RFTN1: variants seen among roughly 807,000 people sequenced by gnomAD.
The protein encoded by RFTN1 is raftlin.
Under a neutral mutation model 46.5 loss-of-function variants are expected in RFTN1, and 26 were observed. The ratio of observed to expected loss-of-function variants is 0.56; its 90% confidence interval spans 0.41 to 0.78. RFTN1 has a LOEUF of 0.78. Ranked by LOEUF, RFTN1 falls within the 30% of genes least tolerant of loss-of-function variation. RFTN1 has a pLI of 0.00. For missense variants in RFTN1, 693 were observed against 718.7 expected, an observed-to-expected ratio of 0.96 and a Z score of 0.41; for synonymous variants, 261 against 284.2, an observed-to-expected ratio of 0.92 and a Z score of 0.82.
chr3:16,339,999 G>A (rs2071205724), intron 7 of RFTN1: 1 of 152,166 alleles, frequency 6.6e-6, no homozygotes. Context: ...AGGATGCTGT[G>A]TTACCATTTT....
chr3:16,434,658 A>G (rs1320913486), intron 2 of RFTN1: 3 of 152,206 alleles, frequency 2.0e-5, no homozygotes, highest in African/African-American at 7.2e-5. Context: ...AAAAAAACAC[A>G]CAGAAATAAA....
rs1048591934 is a variant in RFTN1, at chr3:16,426,003, G to A, written c.332+7848C>T. On this transcript the variant is annotated intron_variant, in intron 3 of 9. Transcript: ENST00000334133. This position sits in a 1 kb window ranked among gnomAD's most constrained non-coding sequence, Gnocchi z 5.9. ...CACCTAAATCGGAATCCAAAATAACGACCCACATGCTAAACAAACACCTTC... is the reference window on the plus strand; with the variant it reads ...CACCTAAATCGGAATCCAAAATAACAACCCACATGCTAAACAAACACCTTC... Among the ~76,000 whole-genome samples the A allele has an allele frequency of 2.6e-5, 4 of 152,092 alleles. No individual in the cohort carries two copies. The highest frequency in any genetic ancestry group is 7.2e-5 in the African/African-American group (3 of 41,418).
At position 16,481,142 on chromosome 3, in the gene RFTN1, G is replaced by A. The variant is rs913568858; in HGVS notation, c.145+12583C>T. ...CATTCAGAAAGGAATGCAAAGGAATGTAAAGAATGCCTTCCTTCCTTTTAA... is the reference window on the plus strand; with the variant it reads ...CATTCAGAAAGGAATGCAAAGGAATATAAAGAATGCCTTCCTTCCTTTTAA... On this transcript the variant is annotated intron_variant, in intron 2 of 9. Coordinates refer to ENST00000334133, the MANE Select transcript of RFTN1 (RefSeq NM_015150.2). The surrounding 1 kb of genome is among the most constrained non-coding windows in gnomAD (Gnocchi z 5.1). 6.6e-6 allele frequency among the ~76,000 whole-genome samples: 1 copy of A among 152,138 alleles called. No homozygotes were observed. The highest frequency in any genetic ancestry group is 2.1e-4 in the South Asian group (1 of 4,820).
chr3:16,324,756 G>A (rs2069526754), intron 8 of RFTN1, among the ~76,000 whole-genome samples: 1 of 148,240 alleles, frequency 6.7e-6, no homozygotes, highest in African/African-American at 2.5e-5. Context: ...CCATTTCTTA[G>A]CTGTTGTGAA....
rs374220748 is a variant in RFTN1, at chr3:16,418,709, G to T, written c.333-9226C>A. On this transcript the variant is annotated intron_variant, in intron 3 of 9. Coordinates refer to ENST00000334133, the MANE Select transcript of RFTN1 (RefSeq NM_015150.2). The surrounding 1 kb of genome is among the most constrained non-coding windows in gnomAD (Gnocchi z 5.0). ...TTTTTTTAAAGAAGTATTAGGGAGA[G>T]AAATGAGCTAGAGATCTGAAAGAGA... Among the ~76,000 whole-genome samples the T allele has an allele frequency of 9.8e-4, 149 of 151,348 alleles. 1 individual carries two copies. In the South Asian group the frequency reaches 0.03, roughly 31 times the overall value.
At chr3:16,423,137 C>T (rs931181301) in intron 3 of RFTN1, among the ~76,000 whole-genome samples, 3 of 151,494 alleles carry the variant, frequency 2.0e-5, no homozygotes, top group Admixed American at 6.6e-5. Flanking sequence ...CACTGCACTC[C>T]AGCCTGGGTG....
At chr3:16,423,945 C>G (rs1188515876) in intron 3 of RFTN1, among the ~76,000 whole-genome samples, 3 of 152,124 alleles carry the variant, frequency 2.0e-5, no homozygotes. Flanking sequence ...CACTGATAAT[C>G]GTAGAACCAT....
chr3:16,389,007 G>A (rs184786733), intron 4 of RFTN1, among the ~76,000 whole-genome samples: 1 of 152,224 alleles, frequency 6.6e-6, no homozygotes, highest in East Asian at 1.9e-4. Context: ...AAATGAGTGA[G>A]TCAAAAGAAC....
At position 16,387,870 on chromosome 3, in the gene RFTN1, T is replaced by G. The variant is rs690201; in HGVS notation, c.442-9768A>C. Reference sequence around the variant, plus strand: ...CCACCCCATCCTCTCTGGTAGCTCATGCATTCCCCTCCTCCTGGAGATGCT... The same window carrying G: ...CCACCCCATCCTCTCTGGTAGCTCAGGCATTCCCCTCCTCCTGGAGATGCT... On this transcript the variant is annotated intron_variant, in intron 4 of 9. Coordinates refer to ENST00000334133, the MANE Select transcript of RFTN1 (RefSeq NM_015150.2). The surrounding 1 kb of genome is among the most constrained non-coding windows in gnomAD (Gnocchi z 5.2). 0.57 allele frequency among the ~76,000 whole-genome samples: 86,365 copies of G among 151,644 alleles called. 26,002 individuals carry two copies. The highest frequency in any genetic ancestry group is 0.89 in the South Asian group (4,273 of 4,810).
At chr3:16,496,899 C>T (rs2076634786) in intron 1 of RFTN1, among the ~76,000 whole-genome samples, 1 of 152,096 alleles carries the variant, frequency 6.6e-6, no homozygotes, top group African/African-American at 2.4e-5. Context: ...GCAACGAAAA[C>T]ATGGAACCTA....
chr3:16,430,366 T>C (rs1053480886), intron 3 of RFTN1, among the ~76,000 whole-genome samples: 3 of 152,166 alleles, frequency 2.0e-5, no homozygotes, highest in African/African-American at 7.2e-5. Flanking sequence ...TCTGCCTTGG[T>C]CTCCCAAAGT....
rs760950706 is a variant in RFTN1, at chr3:16,358,067, CG to C, written c.1031-21del. Reference sequence around the variant, plus strand: ...AGGAATCTGTGGAAAAAGAAAAAGGCGGGGGTGGGGGGGGTCTGTAAACCGT... The same window carrying C: ...AGGAATCTGTGGAAAAAGAAAAAGGCGGGGTGGGGGGGGTCTGTAAACCGT... On this transcript the variant is annotated intron_variant, in intron 6 of 9. Transcript: ENST00000334133. 1.6e-5 allele frequency: 5 copies of C among 315,364 alleles called. No homozygotes were observed. Among genetic ancestry groups the C allele is most frequent in the South Asian group, 9.9e-5 (3 of 30,208 alleles). 19.5% of individuals were successfully genotyped at this position (315,364 alleles called of 1,614,324 possible).
At chr3:16,399,070 C>G (rs1559323100) in intron 4 of RFTN1, among the ~76,000 whole-genome samples, 1 of 152,196 alleles carries the variant, frequency 6.6e-6, no homozygotes, top group East Asian at 1.9e-4. Flanking sequence ...TCTGATTTAA[C>G]TATAAGTCAT....
chr3:16,391,243 T>C (rs975054637), intron 4 of RFTN1, among the ~76,000 whole-genome samples: 1 of 152,262 alleles, frequency 6.6e-6, no homozygotes, highest in Non-Finnish European at 1.5e-5. Context: ...ATTAATTAGA[T>C]GGGAAACCTC....
chr3:16,465,695 C>T lies in RFTN1; in HGVS notation c.145+28030G>A, dbSNP rs992050874. 5.3e-5 allele frequency among the ~76,000 whole-genome samples: 8 copies of T among 152,268 alleles called. No individual in the cohort carries two copies. The highest frequency in any genetic ancestry group is 8.8e-5 in the Non-Finnish European group (6 of 68,008). On this transcript the variant is annotated intron_variant, in intron 2 of 9. Coordinates refer to ENST00000334133, the MANE Select transcript of RFTN1 (RefSeq NM_015150.2). This position sits in a 1 kb window ranked among gnomAD's most constrained non-coding sequence, Gnocchi z 5.1. ...AAGATCACCAAAATTATCACACCCA[C>T]CAAAAAGACCTGCTGGGGACAGCTA... is the stretch of plus-strand genomic sequence containing the variant.
chr3:16,393,664 A>T lies in RFTN1; in HGVS notation c.442-15562T>A, dbSNP rs893892327. On this transcript the variant is annotated intron_variant, in intron 4 of 9. Transcript: ENST00000334133. ...TAAGCTGATGGACTTTTTTTTTTTAATTTTTTTTTTTTCAGATGGAGTCTT... is the reference window on the plus strand; with the variant it reads ...TAAGCTGATGGACTTTTTTTTTTTATTTTTTTTTTTTTCAGATGGAGTCTT... Among the ~76,000 whole-genome samples the T allele has an allele frequency of 2.4e-3, 354 of 145,772 alleles. 6 individuals carry two copies. The highest frequency in any genetic ancestry group is 1.1e-3 in the Non-Finnish European group (72 of 65,860).
In RFTN1 at chr3:16,345,822, G is replaced by A. The variant is rs1331576374; in HGVS notation, c.1146+12110C>T. On this transcript the variant is annotated intron_variant, in intron 7 of 9. Coordinates refer to ENST00000334133, the MANE Select transcript of RFTN1 (RefSeq NM_015150.2). This position sits in a 1 kb window ranked among gnomAD's most constrained non-coding sequence, Gnocchi z 5.2. The stretch of plus-strand genomic sequence containing the variant: ...TGTGTGTGTGTGTGTGTGTGTGCGC[G>A]CGCGCGTGCGCGCACGCGCACATGT... 1.5e-4 allele frequency among the ~76,000 whole-genome samples: 10 copies of A among 67,892 alleles called. No individual in the cohort carries two copies. Among genetic ancestry groups the A allele is most frequent in the Admixed American group, 8.2e-4 (7 of 8,538 alleles). The allele number at this position is 67,892 out of a possible 152,430, so 44.5% of individuals were successfully genotyped here. A position where few individuals can be genotyped will look rare whatever the true frequency, so the allele number is the denominator to read the frequency against.
Position 16,370,019 on chromosome 3 carries a change from A to G in RFTN1, c.1030+57T>C, listed in dbSNP as rs1343801824. On this transcript the variant is annotated intron_variant, in intron 6 of 9. Coordinates refer to ENST00000334133, the MANE Select transcript of RFTN1 (RefSeq NM_015150.2). This position sits in a 1 kb window ranked among gnomAD's most constrained non-coding sequence, Gnocchi z 5.5. Reference sequence around the variant, plus strand: ...ACTCTGAAGAGGGACTAAGATTTCAAGAGTTAGAAGCAGAGTTCACAAAGG... The same window carrying G: ...ACTCTGAAGAGGGACTAAGATTTCAGGAGTTAGAAGCAGAGTTCACAAAGG... The G allele has an allele frequency of 2.0e-6, 3 of 1,500,188 alleles. No individual in the cohort carries two copies. Among genetic ancestry groups the G allele is most frequent in the South Asian group, 1.1e-5 (1 of 88,396 alleles). The allele number at this position is 1,500,188 out of a possible 1,614,324, so 92.9% of individuals were successfully genotyped here.
intron 5 of RFTN1, among the ~76,000 whole-genome samples, chr3:16,371,419 A>C (rs1355094838): frequency 6.6e-6 from 1 of 152,202 alleles, no homozygotes; most frequent in Non-Finnish European, 1.5e-5. Context: ...ATTTTTTTAG[A>C]AAAAGGAAAC....
Sources: allele counts gnomAD v4.1 joint callset (sites outside exome capture counted in the v4.1 genomes callset), GRCh38; gene constraint gnomAD v4.1.1; non-coding constraint Gnocchi (gnomAD v3.1); transcripts MANE v1.5; gene names NCBI Gene and HGNC (gene_info 2026-07-23, HGNC 2026-07-21).